PRKCH: variants seen among roughly 807,000 people sequenced by gnomAD.
PRKCH encodes the protein protein kinase C eta, also known as protein kinase C eta type.
A neutral mutation model predicts 82.5 loss-of-function variants in PRKCH; 28 were observed. That is an observed-to-expected ratio of 0.34 (90% confidence interval 0.25 to 0.47). The LOEUF (loss-of-function observed/expected upper bound fraction) is 0.47, where lower values mean the gene tolerates loss of function less well. Ranked by LOEUF, PRKCH falls within the 20% of genes least tolerant of loss-of-function variation. PRKCH has a pLI of 1.00. For missense variants in PRKCH, 705 were observed against 881.8 expected (o/e 0.80, Z 2.54); for synonymous variants, 322 against 327.4 (o/e 0.98, Z 0.18).
chr14:61,335,265 T>G (rs2045842016), intron 1 of PRKCH, among the ~76,000 whole-genome samples: 1 of 152,146 alleles, frequency 6.6e-6, no homozygotes, highest in East Asian at 1.9e-4. Flanking sequence ...AAGCATCTAG[T>G]TATCTCTACC....
At chr14:61,457,942 C>T (rs1182282010) in intron 9 of PRKCH, among the ~76,000 whole-genome samples, 1 of 152,214 alleles carries the variant, frequency 6.6e-6, no homozygotes, top group African/African-American at 2.4e-5. Context: ...GGTCATCATA[C>T]ATAAATCTTC....
chr14:61,427,994 G>A (rs1464438054), intron 2 of PRKCH, among the ~76,000 whole-genome samples: 1 of 151,510 alleles, frequency 6.6e-6, no homozygotes, highest in African/African-American at 2.4e-5. Context: ...AGGAATTTGA[G>A]ACCAACCTGG....
chr14:61,342,806 A>G (rs2045944876), intron 1 of PRKCH, among the ~76,000 whole-genome samples: 1 of 152,236 alleles, frequency 6.6e-6, no homozygotes, highest in Non-Finnish European at 1.5e-5. Flanking sequence ...CACATGAGAA[A>G]TGACAGTGGG....
intron 1 of PRKCH, among the ~76,000 whole-genome samples, chr14:61,230,702 A>C (rs764694434): frequency 6.6e-6 from 1 of 152,210 alleles, no homozygotes; most frequent in Non-Finnish European, 1.5e-5. Flanking sequence ...CCCCCAACAC[A>C]TACAATGGTT....
At chr14:61,467,437 T>G (rs962781054) in intron 9 of PRKCH, among the ~76,000 whole-genome samples, 1 of 152,222 alleles carries the variant, frequency 6.6e-6, no homozygotes, top group Non-Finnish European at 1.5e-5. Flanking sequence ...TTTCCCTTCC[T>G]GAGGCCTCAC....
intron 1 of PRKCH, among the ~76,000 whole-genome samples, chr14:61,335,810 T>G (rs1372277429): frequency 6.6e-6 from 1 of 152,234 alleles, no homozygotes; most frequent in Non-Finnish European, 1.5e-5. Context: ...CTAAGTCACA[T>G]GAATTAGGAT....
chr14:61,357,198 T>C (rs560918087), intron 1 of PRKCH, among the ~76,000 whole-genome samples: 36 of 152,354 alleles, frequency 2.4e-4, no homozygotes, highest in African/African-American at 7.5e-4. Context: ...TTCCAAGCTA[T>C]ACTGGGCAGG....
chr14:61,194,215 A>G (rs556235793), intron 1 of PRKCH, among the ~76,000 whole-genome samples: 48 of 152,394 alleles, frequency 3.1e-4, no homozygotes, highest in Non-Finnish European at 4.7e-4. Context: ...AGTCTACTAT[A>G]AATTAGTACC....
At chr14:61,356,743 A>G (rs1026062176) in intron 1 of PRKCH, among the ~76,000 whole-genome samples, 16 of 152,110 alleles carry the variant, frequency 1.1e-4, no homozygotes, top group Admixed American at 3.3e-4. Flanking sequence ...GTGTGGTGGC[A>G]TGATCTCAGC....
intron 2 of PRKCH, among the ~76,000 whole-genome samples, chr14:61,440,360 T>C (rs17098370): frequency 0.013 from 1,903 of 152,234 alleles, 24 homozygotes; most frequent in South Asian, 0.025. Flanking sequence ...TCTTGAGACA[T>C]ATGGGAAACT....
chr14:61,457,390 C>T lies in PRKCH; in HGVS notation c.1104+71C>T. 14 of 1,584,996 alleles carry T rather than the reference C, an allele frequency of 8.8e-6. No individual in the cohort carries two copies. The South Asian group carries it at 1.5e-4, about 17-fold the overall frequency. On this transcript the variant is annotated intron_variant, in intron 8 of 13. Coordinates refer to ENST00000332981, the MANE Select transcript of PRKCH (RefSeq NM_006255.5). ...TGTATGGGGGGTGTGTGTGTGTGTG[C>T]ACGCATGCGCACATACTCACATTTC...
At chr14:61,191,136 A>G (rs1171093252) in intron 1 of PRKCH, among the ~76,000 whole-genome samples, 2 of 152,232 alleles carry the variant, frequency 1.3e-5, no homozygotes, top group Non-Finnish European at 2.9e-5. Context: ...ATAATTCTGC[A>G]CAAAAGAGAG....
At chr14:61,321,058 C>G (rs2045612855), upstream of PRKCH, among the ~76,000 whole-genome samples, 1 of 152,248 alleles carries the variant, frequency 6.6e-6, no homozygotes, top group Admixed American at 6.5e-5. This position sits in a 1 kb window ranked among gnomAD's most constrained non-coding sequence, Gnocchi z 4.1. Context: ...CACACATACA[C>G]ACAACTGTGT....
intron 1 of PRKCH, among the ~76,000 whole-genome samples, chr14:61,282,113 C>T (rs983060268): frequency 6.6e-6 from 1 of 151,972 alleles, no homozygotes; most frequent in Non-Finnish European, 1.5e-5. Flanking sequence ...GATTATTTGC[C>T]TGACTAGAGA....
intron 9 of PRKCH, among the ~76,000 whole-genome samples, chr14:61,483,625 G>T (rs1222032460): frequency 2.0e-5 from 3 of 152,150 alleles, no homozygotes; most frequent in Non-Finnish European, 4.4e-5. Flanking sequence ...TCTGATAGGG[G>T]TCTGCGTGGT....
At chr14:61,364,368 G>C (rs1312285601) in intron 1 of PRKCH, among the ~76,000 whole-genome samples, 1 of 151,960 alleles carries the variant, frequency 6.6e-6, no homozygotes, top group East Asian at 1.9e-4. Flanking sequence ...GAGATGCTGA[G>C]GCTCAGCTGA....
At chr14:61,484,571 C>T (rs928596908) in intron 9 of PRKCH, among the ~76,000 whole-genome samples, 2 of 152,190 alleles carry the variant, frequency 1.3e-5, no homozygotes, top group East Asian at 3.9e-4. Flanking sequence ...GCACTTTATT[C>T]ACACTACTTG....
chr14:61,483,466 T>G (rs1886072257), intron 9 of PRKCH, among the ~76,000 whole-genome samples: 1 of 152,256 alleles, frequency 6.6e-6, no homozygotes. Flanking sequence ...TGGTTTTTGT[T>G]TTGTGAATCT....
At chr14:61,266,154 A>G (rs1012868620) in intron 1 of PRKCH, among the ~76,000 whole-genome samples, 2 of 152,186 alleles carry the variant, frequency 1.3e-5, no homozygotes, top group African/African-American at 2.4e-5. Context: ...ATGGTGGCTC[A>G]TGCCTGTAAT....
Sources: allele counts gnomAD v4.1 joint callset (sites outside exome capture counted in the v4.1 genomes callset), GRCh38; gene constraint gnomAD v4.1.1; non-coding constraint Gnocchi (gnomAD v3.1); transcripts MANE v1.5; gene names NCBI Gene and HGNC (gene_info 2026-07-23, HGNC 2026-07-21).